AVEN: variants seen among roughly 807,000 people sequenced by gnomAD.
The protein encoded by AVEN is cell death regulator Aven.
A neutral mutation model predicts 38.1 loss-of-function variants in AVEN; 41 were observed. That is an observed-to-expected ratio of 1.08 (90% confidence interval 0.84 to 1.40). The LOEUF is 1.40. Ranked by LOEUF, AVEN falls within the 40% of genes most tolerant of loss-of-function variation. The pLI is 0.00. For synonymous variants in AVEN, 206 were observed against 171.8 expected, an observed-to-expected ratio of 1.20 and a Z score of -1.56; for missense variants, 605 against 438.8, an observed-to-expected ratio of 1.38 and a Z score of -3.38.
chr15:33,963,649 TAGAC>T (rs556837174), intron 2 of AVEN, among the ~76,000 whole-genome samples: 297 of 151,804 alleles, frequency 2.0e-3, no homozygotes, highest in African/African-American at 6.8e-3. Context: ...GTACAAAAAT[TAGAC>T]AGGCATGATG....
At chr15:34,035,242 A>C (rs948011414) in intron 1 of AVEN, among the ~76,000 whole-genome samples, 16 of 152,190 alleles carry the variant, frequency 1.1e-4, no homozygotes, top group Admixed American at 5.2e-4. Flanking sequence ...CTTTTATTGA[A>C]TATAAATCAT....
At chr15:34,075,201 AAAAG>A (rs1425236389), upstream of AVEN, among the ~76,000 whole-genome samples, 1 of 151,620 alleles carries the variant, frequency 6.6e-6, no homozygotes, top group East Asian at 1.9e-4. Flanking sequence ...AAAAAAAAAA[AAAAG>A]AACTACCTGA....
At chr15:33,912,341 TTAA>T in intron 2 of AVEN, among the ~76,000 whole-genome samples, 1 of 152,318 alleles carries the variant, frequency 6.6e-6, no homozygotes, top group Non-Finnish European at 1.5e-5. Context: ...GAGTGTCTGC[TTAA>T]TATTAAAAAA....
intron 2 of AVEN, among the ~76,000 whole-genome samples, chr15:33,935,228 A>G (rs1450409428): frequency 1.3e-5 from 2 of 152,188 alleles, no homozygotes; most frequent in Non-Finnish European, 2.9e-5. Context: ...CATAAAAATG[A>G]TTTTCAAGAC....
At chr15:33,932,838 CAAATAAAT>C (rs542804184) in intron 2 of AVEN, among the ~76,000 whole-genome samples, 212 of 147,108 alleles carry the variant, frequency 1.4e-3, no homozygotes, top group African/African-American at 5.1e-3. Flanking sequence ...AATAAACAAA[CAAATAAAT>C]AAATAAATAA....
chr15:33,989,048 A>G (rs1414592543), intron 2 of AVEN, among the ~76,000 whole-genome samples: 1 of 62,674 alleles, frequency 1.6e-5, no homozygotes. Flanking sequence ...TAAACCTTTC[A>G]TCATAAATCC....
At chr15:34,068,985 G>T (rs1900578396) in intron 2 of AVEN, among the ~76,000 whole-genome samples, 1 of 151,596 alleles carries the variant, frequency 6.6e-6, no homozygotes. Context: ...CTAATTTTTT[G>T]TATTTTTAGT....
chr15:34,043,008 G>A (rs1363653976), upstream of AVEN, among the ~76,000 whole-genome samples: 5 of 152,032 alleles, frequency 3.3e-5, no homozygotes. Context: ...AGCACTTTGG[G>A]AGGCCGAGGT....
chr15:33,961,665 T>C (rs1204940922), intron 2 of AVEN, among the ~76,000 whole-genome samples: 2 of 151,354 alleles, frequency 1.3e-5, no homozygotes, highest in East Asian at 3.9e-4. Flanking sequence ...CACAAAAAAT[T>C]AGCCGGGCGT....
chr15:33,915,713 A>G (rs1893111365), intron 2 of AVEN, among the ~76,000 whole-genome samples: 1 of 152,190 alleles, frequency 6.6e-6, no homozygotes. Flanking sequence ...CACAGCACAG[A>G]AGCCACAGCA....
chr15:34,020,976 T>G (rs558990404), intron 1 of AVEN, among the ~76,000 whole-genome samples: 2 of 152,344 alleles, frequency 1.3e-5, no homozygotes, highest in African/African-American at 4.8e-5. Flanking sequence ...AATGAATCAC[T>G]GGGCCATGCA....
intron 3 of AVEN, among the ~76,000 whole-genome samples, chr15:33,873,200 A>T (rs1891069878): frequency 6.9e-6 from 1 of 144,578 alleles, no homozygotes; most frequent in African/African-American, 2.6e-5. Flanking sequence ...TCTTGGTTCA[A>T]GCGATTCTCC....
At chr15:34,073,797 A>G (rs1900679554) in intron 1 of AVEN, among the ~76,000 whole-genome samples, 1 of 151,926 alleles carries the variant, frequency 6.6e-6, no homozygotes, top group Admixed American at 6.6e-5. Flanking sequence ...TTGGGATTAC[A>G]GGCGTGAGTC....
chr15:33,879,884 AAG>A (rs1891412381), intron 2 of AVEN, among the ~76,000 whole-genome samples: 1 of 152,214 alleles, frequency 6.6e-6, no homozygotes, highest in Non-Finnish European at 1.5e-5. Flanking sequence ...AATGTCTATA[AAG>A]AGAACTATTC....
Position 34,039,145 on chromosome 15 carries a change from A to C in AVEN, c.-99T>G. The C allele has an allele frequency of 1.0e-6, 1 of 984,622 alleles. No homozygotes were observed. The highest frequency in any genetic ancestry group is 1.2e-6 in the Non-Finnish European group (1 of 817,986). The allele number at this position is 984,622 out of a possible 1,614,324, so 61.0% of individuals were successfully genotyped here. A position where few individuals can be genotyped will look rare whatever the true frequency, so the allele number is the denominator to read the frequency against. ...GGCCGCACGGAGGAGCCGCGAGCGA[A>C]AGGCGCCCGGTAGCAGCGAGGCGCG... On this transcript the variant is annotated 5_prime_UTR_variant, in exon 1 of 6. Coordinates refer to ENST00000306730, the MANE Select transcript of AVEN (RefSeq NM_020371.3).
intron 2 of AVEN, among the ~76,000 whole-genome samples, chr15:33,933,534 G>C (rs62014513): frequency 0.06 from 2,800 of 47,028 alleles, 13 homozygotes; most frequent in African/African-American, 0.079. Context: ...CAGAGAGAGA[G>C]AGAGAGAGAG....
chr15:34,001,069 G>A (rs1897120518), intron 2 of AVEN, among the ~76,000 whole-genome samples: 1 of 145,922 alleles, frequency 6.9e-6, no homozygotes, highest in Non-Finnish European at 1.5e-5. Context: ...TGCCCAGGCT[G>A]GAGTGCAGTG....
chr15:34,007,260 G>T (rs1897397020), intron 1 of AVEN, among the ~76,000 whole-genome samples: 1 of 152,048 alleles, frequency 6.6e-6, no homozygotes, highest in Non-Finnish European at 1.5e-5. Flanking sequence ...GGTCATTTTT[G>T]ACCTCACCTG....
At chr15:34,054,072 A>C (rs536881810) in intron 5 of AVEN, among the ~76,000 whole-genome samples, 6 of 152,260 alleles carry the variant, frequency 3.9e-5, no homozygotes, top group Non-Finnish European at 5.9e-5. Context: ...AAAAACGTGA[A>C]AAAAAAACTC....
Sources: allele counts gnomAD v4.1 joint callset (sites outside exome capture counted in the v4.1 genomes callset), GRCh38; gene constraint gnomAD v4.1.1; transcripts MANE v1.5; gene names NCBI Gene and HGNC (gene_info 2026-07-23, HGNC 2026-07-21).